The following KMT2A variants were observed in gnomAD, a reference collection of about 807,000 sequenced individuals.
The protein encoded by KMT2A is lysine methyltransferase 2A.
KMT2A carries 16 observed loss-of-function variants against 345.3 expected under a neutral mutation model. That is an observed-to-expected ratio of 0.05 (90% CI 0.03 to 0.07). The LOEUF (loss-of-function observed/expected upper bound fraction) is 0.07, where lower values mean the gene tolerates loss of function less well. Ranked by LOEUF, KMT2A falls within the 10% of genes least tolerant of loss-of-function variation. The probability of loss-of-function intolerance (pLI) is 1.00; values close to 1 mark genes in which losing one functional copy is unlikely to be tolerated. For missense variants in KMT2A, 3,272 were observed against 4,841.6 expected, an observed-to-expected ratio of 0.68 and a Z score of 9.62; for synonymous variants, 1,599 against 1,778.6, an observed-to-expected ratio of 0.90 and a Z score of 2.54.
chr11:118,475,567 C>A (rs1950022225), intron 3 of KMT2A, among the ~76,000 whole-genome samples: 1 of 151,910 alleles, frequency 6.6e-6, no homozygotes, highest in South Asian at 2.1e-4. Context: ...ACTAAAAATC[C>A]AAAAAATTAG....
intron 31 of KMT2A, among the ~76,000 whole-genome samples, chr11:118,517,395 CAAAAAAAAA>C (rs11436622): frequency 1.8e-5 from 2 of 113,878 alleles, no homozygotes; most frequent in African/African-American, 7.0e-5. Context: ...GACTCTGTCT[CAAAAAAAAA>C]AAAAAAAAGA....
chr11:118,478,489 T>C (rs1200924459), intron 5 of KMT2A, among the ~76,000 whole-genome samples: 3 of 152,204 alleles, frequency 2.0e-5, no homozygotes, highest in Admixed American at 6.5e-5. Flanking sequence ...CACATGTGGC[T>C]ATTGAGCGCT....
Position 118,507,744 on chromosome 11 carries a change from C to T in KMT2A, c.10835+135C>T. The T allele has an allele frequency of 3.4e-5, 23 of 667,602 alleles. No homozygotes were observed. The South Asian group carries it at 3.7e-4, about 11-fold the overall frequency. The allele number at this position is 667,602 out of a possible 1,614,324, so 41.4% of individuals were successfully genotyped here. On this transcript the variant is annotated intron_variant, in intron 28 of 35. Transcript: ENST00000534358. ...GTCTGGGAGGCCGAGGCAGGTGGAT[C>T]ACGAGGTTAGATCGAGACCATCCTG...
At chr11:118,468,870 C>T in intron 2 of KMT2A, 26 bp downstream of exon 2, 1 of 1,592,496 alleles carries the variant, frequency 6.3e-7, no homozygotes, top group Non-Finnish European at 8.6e-7. Context: ...TGCATGGTGC[C>T]TTTTAAGTTT....
In KMT2A at chr11:118,498,642, C is replaced by T. The variant is rs1950449281; in HGVS notation, c.5961+114C>T. 9.8e-7 allele frequency: 1 copy of T among 1,020,632 alleles called. No homozygotes were observed. Among genetic ancestry groups the T allele is most frequent in the Non-Finnish European group, 1.4e-6 (1 of 710,810 alleles). The allele number at this position is 1,020,632 out of a possible 1,614,324, so 63.2% of individuals were successfully genotyped here. On this transcript the variant is annotated intron_variant, in intron 22 of 35. Transcript: ENST00000534358. This position sits in a 1 kb window ranked among gnomAD's most constrained non-coding sequence, Gnocchi z 4.4. ...GAGATTTCCCATATGCCCCCTGCAC[C>T]CACATATGCACAGCCTCCCCCATGA...
At chr11:118,437,893 G>A (rs1591334272) in intron 1 of KMT2A, among the ~76,000 whole-genome samples, 2 of 152,134 alleles carry the variant, frequency 1.3e-5, no homozygotes, top group East Asian at 1.9e-4. Flanking sequence ...GGGGAAGGGG[G>A]CCCCTGTGAG....
chr11:118,485,207 A>T (rs1165884935), intron 10 of KMT2A, among the ~76,000 whole-genome samples: 1 of 152,204 alleles, frequency 6.6e-6, no homozygotes, highest in Non-Finnish European at 1.5e-5. Flanking sequence ...TTCAGTCTTT[A>T]TTAGAGTTCT....
Position 118,498,088 on chromosome 11 carries a change from G to A in KMT2A, c.5802+15G>A, listed in dbSNP as rs782469546. The A allele has an allele frequency of 1.2e-6, 2 of 1,609,506 alleles. No individual in the cohort carries two copies. The highest frequency in any genetic ancestry group is 2.2e-5 in the East Asian group (1 of 44,848). On this transcript the variant is annotated intron_variant, in intron 21 of 35. Transcript: ENST00000534358. The surrounding 1 kb of genome is among the most constrained non-coding windows in gnomAD (Gnocchi z 4.4). ...GCAAGCAGCTGGTAAGACCTTATGG[G>A]TAAATTTTATGAAAGAGATTCCCTC... is the stretch of plus-strand genomic sequence containing the variant.
chr11:118,495,768 G>A lies in KMT2A; in HGVS notation c.5432G>A (p.Arg1811Gln), dbSNP rs782730461. Residue 1811 changes from arginine (R) to glutamine (Q), a missense_variant, in exon 19 of 36, where the codon CGA becomes CAA. Arg to Gln is a conservative substitution (Grantham distance 43). Coordinates refer to ENST00000534358, the MANE Select transcript of KMT2A (RefSeq NM_001197104.2). This position sits in a 1 kb window ranked among gnomAD's most constrained non-coding sequence, Gnocchi z 4.1. ...LDHNYAQWQE[R>Q]EENSHTEQPP... ...CATAATTATGCTCAGTGGCAGGAGC[G>A]AGAGGAAAACAGCCACACTGAGCAG... is the stretch of plus-strand genomic sequence containing the variant. The A allele has an allele frequency of 4.3e-6, 7 of 1,613,928 alleles. No homozygotes were observed. The highest frequency in any genetic ancestry group is 5.1e-6 in the Non-Finnish European group (6 of 1,179,994).
In KMT2A at chr11:118,500,979, T is replaced by C. The variant is rs372739146; in HGVS notation, c.6159-8T>C. 79 of 1,603,744 alleles carry C rather than the reference T, an allele frequency of 4.9e-5. No homozygotes were observed. The highest frequency in any genetic ancestry group is 6.6e-5 in the Non-Finnish European group (77 of 1,171,790). ...CTTATGATGATTTTCCCAAATCTGT[T>C]TACCCAGGTGTTCCAGGGTATACTG... On this transcript the variant is annotated splice_region_variant and splice_polypyrimidine_tract_variant and intron_variant, in intron 24 of 35. Transcript: ENST00000534358.
chr11:118,482,959 G>A (rs935823221), intron 8 of KMT2A, among the ~76,000 whole-genome samples: 55 of 152,166 alleles, frequency 3.6e-4, no homozygotes, highest in Admixed American at 7.2e-4. Context: ...TTGGCAAGGC[G>A]CAGCGGCTCA....
rs1949945201 is a variant in KMT2A at position 118,471,717 on chromosome 11, T to C, written c.558T>C (p.Asn186=). The C allele has an allele frequency of 6.2e-7, 1 of 1,605,126 alleles. No individual in the cohort carries two copies. The highest frequency in any genetic ancestry group is 1.8e-5 in the Admixed American group (1 of 56,568). ...GACCTAGAAGTGGCTCTGACCGAAA[T>C]TCAGCTATCCTCTCAGATCCATCTG... ...RGRPRSGSDR[N]SAILSDPSVF... is the part of the protein sequence containing the mutation. The change falls in exon 3 of 36, where the codon AAT becomes AAC. Residue 186 remains asparagine, a synonymous_variant. Coordinates refer to ENST00000534358, the MANE Select transcript of KMT2A (RefSeq NM_001197104.2).
In KMT2A at chr11:118,477,498, C is replaced by CTTTTTTTTTT. The variant is rs11430367; in HGVS notation, c.3335-451_3335-442dup. ...CTTTCATCAAGATGCAAGTTATTGG[C>CTTTTTTTTTT]TTTTTTTTTTTTTTTTTTTTTTTTT... On this transcript the variant is annotated intron_variant, in intron 4 of 35. Transcript: ENST00000534358. 7.2e-4 allele frequency among the ~76,000 whole-genome samples: 41 copies of CTTTTTTTTTT among 56,944 alleles called. 15 individuals carry two copies. Among genetic ancestry groups the CTTTTTTTTTT allele is most frequent in the African/African-American group, 2.6e-3 (34 of 12,984 alleles). The allele number at this position is 56,944 out of a possible 152,430, so 37.4% of individuals were successfully genotyped here.
chr11:118,521,384 G>T lies in KMT2A; in HGVS notation c.11610G>T (p.Gln3870His). The change falls in exon 35 of 36, where the codon CAG (glutamine) becomes CAT (histidine). Residue 3870 changes from glutamine (Q) to histidine (H), a missense_variant. By Grantham distance (24) the Gln-to-His change is conservative. Around this residue, in one of 27 missense-constraint regions of KMT2A, gnomAD observed 78 missense variants for 254.5 expected, o/e 0.31. Coordinates refer to ENST00000534358, the MANE Select transcript of KMT2A (RefSeq NM_001197104.2). The surrounding 1 kb of genome is among the most constrained non-coding windows in gnomAD (Gnocchi z 5.3). ...CCGGCAACGTCATCCGCTCCATCCA[G>T]ACTGACAAGCGGGAAAAGTATTACG... ...EYAGNVIRSI[Q>H]TDKREKYYDS... The T allele has an allele frequency of 6.2e-7, 1 of 1,614,066 alleles. No homozygotes were observed. The highest frequency in any genetic ancestry group is 1.3e-5 in the African/African-American group (1 of 75,002).
At position 118,509,130 on chromosome 11, in the gene KMT2A, A is replaced by T. The variant is rs1380439423; in HGVS notation, c.10836-6A>T. On this transcript the variant is annotated splice_polypyrimidine_tract_variant and splice_region_variant and intron_variant, in intron 28 of 35. Coordinates refer to ENST00000534358, the MANE Select transcript of KMT2A (RefSeq NM_001197104.2). ...ATATTATATCTTACATTTGGTTTTT[A>T]TTTAGGCAAGTCGCTGTTCTTCCGG... The T allele has an allele frequency of 1.2e-6, 2 of 1,613,028 alleles. No individual in the cohort carries two copies. Among genetic ancestry groups the T allele is most frequent in the Non-Finnish European group, 1.7e-6 (2 of 1,179,326 alleles).
intron 3 of KMT2A, among the ~76,000 whole-genome samples, chr11:118,475,890 C>A (rs1565282299): frequency 6.6e-6 from 1 of 152,146 alleles, no homozygotes; most frequent in East Asian, 1.9e-4. Flanking sequence ...TGAGACATTT[C>A]TTTTGGAGCC....
At position 118,498,206 on chromosome 11, in the gene KMT2A, A is replaced by T; in HGVS notation, c.5802+133A>T. The T allele has an allele frequency of 8.8e-7, 1 of 1,140,954 alleles. No homozygotes were observed. The highest frequency in any genetic ancestry group is 1.3e-6 in the Non-Finnish European group (1 of 792,946). The allele number at this position is 1,140,954 out of a possible 1,614,324, so 70.7% of individuals were successfully genotyped here. On this transcript the variant is annotated intron_variant, in intron 21 of 35. Transcript: ENST00000534358. This position sits in a 1 kb window ranked among gnomAD's most constrained non-coding sequence, Gnocchi z 4.4. ...GTAGTTAGCCAACAAGTATTGATAT[A>T]CATAATTCAACAGATAAAATGATAA...
Position 118,495,105 on chromosome 11 carries a change from A to G in KMT2A, c.5363+338A>G, listed in dbSNP as rs115492534. On this transcript the variant is annotated intron_variant, in intron 18 of 35. Coordinates refer to ENST00000534358, the MANE Select transcript of KMT2A (RefSeq NM_001197104.2). The surrounding 1 kb of genome is among the most constrained non-coding windows in gnomAD (Gnocchi z 4.1). ...CTTTGTACTGCTCTTGATTTTCCATATGTAACCTTTAATTTTTATTCCAGT... is the reference window on the plus strand; with the variant it reads ...CTTTGTACTGCTCTTGATTTTCCATGTGTAACCTTTAATTTTTATTCCAGT... Among the ~76,000 whole-genome samples, 1,567 of 151,570 alleles carry G rather than the reference A, an allele frequency of 0.01. 24 individuals are homozygous for G. The highest frequency in any genetic ancestry group is 0.036 in the African/African-American group (1,492 of 41,334).
At position 118,504,188 on chromosome 11, in the gene KMT2A, G is replaced by C; in HGVS notation, c.8296G>C (p.Glu2766Gln). The change falls in exon 27 of 36, where the codon GAG (glutamate) becomes CAG (glutamine). Residue 2766 changes from glutamate to glutamine, a missense_variant. By Grantham distance (29) the Glu-to-Gln change is conservative. This residue lies in a region of KMT2A where 100 missense variants were observed against 101.3 expected (regional missense o/e 0.99). Transcript: ENST00000534358. This position sits in a 1 kb window ranked among gnomAD's most constrained non-coding sequence, Gnocchi z 6.4. ...LKIDRPEDAGEKEHVTKSSVG... is the reference protein window; with the variant it reads ...LKIDRPEDAGQKEHVTKSSVG... Reference sequence around the variant, plus strand: ...GATTGATAGACCTGAAGATGCTGGGGAGAAAGAACATGTCACTAAGAGTTC... The same window carrying C: ...GATTGATAGACCTGAAGATGCTGGGCAGAAAGAACATGTCACTAAGAGTTC... 6.2e-7 allele frequency: 1 copy of C among 1,614,174 alleles called. No homozygotes were observed. Among genetic ancestry groups the C allele is most frequent in the Non-Finnish European group, 8.5e-7 (1 of 1,180,034 alleles).
Sources: allele counts gnomAD v4.1 joint callset (sites outside exome capture counted in the v4.1 genomes callset), GRCh38; gene constraint gnomAD v4.1.1; regional missense constraint gnomAD v4.1.1; non-coding constraint Gnocchi (gnomAD v3.1); transcripts MANE v1.5; gene names NCBI Gene and HGNC (gene_info 2026-07-23, HGNC 2026-07-21).